DNMBP: variants seen among roughly 807,000 people sequenced by gnomAD.
DNMBP encodes dynamin binding protein.
In DNMBP, 87 loss-of-function variants were observed where a neutral mutation model predicts 150.0. That is an observed-to-expected ratio of 0.58 (90% confidence interval 0.49 to 0.69). The LOEUF (loss-of-function observed/expected upper bound fraction) is 0.69. Ranked by LOEUF, DNMBP falls within the 30% of genes least tolerant of loss-of-function variation. The pLI is 0.00. For missense variants in DNMBP, 1,774 were observed against 1,949.0 expected (o/e 0.91, Z 1.69); for synonymous variants, 711 against 750.4 (o/e 0.95, Z 0.86).
chr10:99,881,224 G>A (rs190547369), intron 15 of DNMBP, among the ~76,000 whole-genome samples: 148 of 151,876 alleles, frequency 9.7e-4, no homozygotes, highest in Admixed American at 6.7e-3. Context: ...ACGAAACTCC[G>A]TCTCAAAAAA....
intron 4 of DNMBP, among the ~76,000 whole-genome samples, chr10:99,917,710 A>G (rs1230547612): frequency 6.6e-6 from 1 of 152,126 alleles, no homozygotes; most frequent in African/African-American, 2.4e-5. Context: ...TCATGCCTGC[A>G]ATCCCAGCAC....
intron 4 of DNMBP, among the ~76,000 whole-genome samples, chr10:99,943,130 C>A (rs1234315477): frequency 6.6e-6 from 1 of 151,962 alleles, no homozygotes; most frequent in Middle Eastern, 3.2e-3. Context: ...ACTAAAAATA[C>A]AAAAATTAGC....
intron 4 of DNMBP, among the ~76,000 whole-genome samples, chr10:99,915,391 G>A (rs1437866681): frequency 4.5e-5 from 6 of 132,726 alleles, no homozygotes; most frequent in African/African-American, 1.7e-4. Context: ...TAACCTCACA[G>A]GAACAAAATA....
intron 4 of DNMBP, among the ~76,000 whole-genome samples, chr10:99,925,087 A>G (rs907021920): frequency 8.5e-5 from 13 of 152,148 alleles, no homozygotes; most frequent in African/African-American, 3.1e-4. Context: ...TCTATAATAT[A>G]GTTGCAACCT....
intron 5 of DNMBP, among the ~76,000 whole-genome samples, chr10:99,908,540 G>A (rs969045906): frequency 2.0e-5 from 3 of 152,184 alleles, no homozygotes; most frequent in Non-Finnish European, 4.4e-5. Flanking sequence ...ATCTAGAAAA[G>A]TCCCTAGCCT....
At chr10:99,916,184 T>G (rs963988551) in intron 4 of DNMBP, among the ~76,000 whole-genome samples, 1 of 152,256 alleles carries the variant, frequency 6.6e-6, no homozygotes, top group African/African-American at 2.4e-5. Context: ...CTAGACAGGC[T>G]GGGCACAGTG....
chr10:99,990,808 CACATATATATATAT>C (rs1202226197), intron 1 of DNMBP, among the ~76,000 whole-genome samples: 1 of 86,008 alleles, frequency 1.2e-5, no homozygotes, highest in African/African-American at 5.7e-5. Flanking sequence ...CACATATATA[CACATATATATATAT>C]ACACATATAC....
intron 4 of DNMBP, among the ~76,000 whole-genome samples, chr10:99,939,106 G>A (rs1310545279): frequency 1.3e-5 from 2 of 151,814 alleles, no homozygotes; most frequent in Admixed American, 6.6e-5. Flanking sequence ...AAGGAAAAAA[G>A]GGAGAAAAGT....
At chr10:99,957,458 C>T (rs1161882385) in intron 3 of DNMBP, 1 of 541,092 alleles carries the variant, frequency 1.8e-6, no homozygotes, top group Non-Finnish European at 3.3e-6. Context: ...AGGTCAAAAC[C>T]ATTCTCATAA....
chr10:99,981,814 T>C (rs1010375514), intron 1 of DNMBP, among the ~76,000 whole-genome samples: 3 of 152,090 alleles, frequency 2.0e-5, no homozygotes, highest in Admixed American at 6.5e-5. Context: ...GACAGTGAGA[T>C]TGTGATATTT....
chr10:99,955,400 G>A lies in DNMBP; in HGVS notation c.2074C>T (p.Pro692Ser), dbSNP rs148247428. 3 of 1,614,124 alleles carry A rather than the reference G, an allele frequency of 1.9e-6. No homozygotes were observed. Among genetic ancestry groups the A allele is most frequent in the Non-Finnish European group, 2.5e-6 (3 of 1,180,014 alleles). The change falls in exon 4 of 17, where the codon CCC becomes TCC. Residue 692 changes from proline (P) to serine (S), a missense_variant. By Grantham distance (74) the Pro-to-Ser change is moderately conservative. Transcript: ENST00000324109. ...TCCTCAATCCTCACCAGCACTAAGG[G>A]GCATGGGGAGGTCTGGTCCAGACTC... ...GRSLDQTSPC[P>S]LVLVRIEEME... is the part of the protein sequence containing the mutation.
chr10:99,982,133 A>G (rs1003624583), intron 1 of DNMBP, among the ~76,000 whole-genome samples: 1 of 152,148 alleles, frequency 6.6e-6, no homozygotes, highest in African/African-American at 2.4e-5. Flanking sequence ...ACTTGGATTT[A>G]TGAGAACAAC....
At chr10:99,906,854 A>G (rs748788225) in intron 6 of DNMBP, among the ~76,000 whole-genome samples, 1 of 152,198 alleles carries the variant, frequency 6.6e-6, no homozygotes, top group Non-Finnish European at 1.5e-5. Context: ...TACATGTTTA[A>G]TGTTTTCAGC....
At chr10:99,933,727 T>G (rs1042802051) in intron 4 of DNMBP, among the ~76,000 whole-genome samples, 16 of 152,260 alleles carry the variant, frequency 1.1e-4, no homozygotes, top group African/African-American at 2.6e-4. Context: ...AATCACTTGT[T>G]GTTGTTTTTG....
At chr10:99,994,842 C>T (rs894947429) in intron 1 of DNMBP, among the ~76,000 whole-genome samples, 5 of 152,136 alleles carry the variant, frequency 3.3e-5, no homozygotes, top group Non-Finnish European at 5.9e-5. Flanking sequence ...CCTGCAATAG[C>T]TTCCTAAATG....
At chr10:99,953,819 A>AAAAAAAAAGAAAAAG (rs1229016312) in intron 4 of DNMBP, among the ~76,000 whole-genome samples, 10 of 133,542 alleles carry the variant, frequency 7.5e-5, no homozygotes, top group African/African-American at 1.5e-4. Context: ...GTCTCAAAAA[A>AAAAAAAAAGAAAAAG]AAAAAGAAAA....
intron 4 of DNMBP, among the ~76,000 whole-genome samples, chr10:99,913,073 C>G (rs1228246439): frequency 1.3e-5 from 2 of 152,050 alleles, no homozygotes; most frequent in Non-Finnish European, 2.9e-5. Flanking sequence ...GGTGGGAAGA[C>G]TGCTGGAGCC....
intron 4 of DNMBP, among the ~76,000 whole-genome samples, chr10:99,931,241 C>A (rs2040154139): frequency 6.6e-6 from 1 of 152,186 alleles, no homozygotes; most frequent in African/African-American, 2.4e-5. Flanking sequence ...CAAGTGCTTT[C>A]CTTCTCAAGC....
In DNMBP at chr10:99,956,724, G is replaced by A; in HGVS notation, c.750C>T (p.Ala250=). 1 of 1,613,936 alleles carries A rather than the reference G, an allele frequency of 6.2e-7. No individual in the cohort carries two copies. The highest frequency in any genetic ancestry group is 8.5e-7 in the Non-Finnish European group (1 of 1,180,012). The change falls in exon 4 of 17, where the codon GCC becomes GCT. Residue 250 remains alanine, a synonymous_variant. Coordinates refer to ENST00000324109, the MANE Select transcript of DNMBP (RefSeq NM_015221.4). The part of the protein sequence containing the change: ...DEEEPGTYGV[A]LYRFQALEPN... ...GCTCCAGGGCTTGGAATCTGTACAG[G>A]GCGACCCCATAGGTCCCTGGCTCCT...
Sources: gnomAD v4.1 joint callset for allele counts (sites outside exome capture counted in the v4.1 genomes callset) on GRCh38, gnomAD v4.1.1 for gene constraint, MANE v1.5 for transcripts, NCBI Gene and HGNC (gene_info 2026-07-23, HGNC 2026-07-21) for gene names.